The following BRAP variants were observed in gnomAD, a reference collection of about 807,000 sequenced individuals.
BRAP encodes the protein BRCA1-associated protein.
In BRAP, 42 loss-of-function variants were observed where a neutral mutation model predicts 73.4. That is an observed-to-expected ratio of 0.57 (90% confidence interval 0.45 to 0.74). The LOEUF is 0.74. Ranked by LOEUF, BRAP falls within the 30% of genes least tolerant of loss-of-function variation. BRAP has a pLI of 0.00. For missense variants in BRAP, 593 were observed against 751.4 expected (o/e 0.79, Z 2.46); for synonymous variants, 255 against 267.4 (o/e 0.95, Z 0.45).
At chr12:111,674,546 T>TA (rs1158823960) in intron 4 of BRAP, among the ~76,000 whole-genome samples, 1 of 152,188 alleles carries the variant, frequency 6.6e-6, no homozygotes, top group Non-Finnish European at 1.5e-5. Flanking sequence ...CCTGGCTACT[T>TA]ATGCTTTCTT....
Position 111,659,255 on chromosome 12 carries a change from T to G in BRAP, c.1063A>C (p.Thr355Pro), listed in dbSNP as rs754999889. The G allele has an allele frequency of 3.1e-6, 5 of 1,614,040 alleles. No individual in the cohort carries two copies. In the East Asian group the frequency reaches 1.1e-4, roughly 36 times the overall value. ...AYKHFEETQH[T>P]YAMQLTNHRV... ...TGGTTGGTAAGCTGCATGGCATACGTGTGCTGCGTTTCCTCAAAGTGCTTA... is the reference window on the plus strand; with the variant it reads ...TGGTTGGTAAGCTGCATGGCATACGGGTGCTGCGTTTCCTCAAAGTGCTTA... The change falls in exon 8 of 12, where the codon ACG (threonine) becomes CCG (proline). Residue 355 changes from threonine (T) to proline (P), a missense_variant. Thr to Pro is a conservative substitution (Grantham distance 38). Coordinates refer to ENST00000419234, the MANE Select transcript of BRAP (RefSeq NM_006768.5).
Position 111,643,689 on chromosome 12 carries a change from G to T in BRAP, c.*510C>A, listed in dbSNP as rs1885985206. 1 of 152,806 alleles carries T rather than the reference G, an allele frequency of 6.5e-6. No individual in the cohort carries two copies. The highest frequency in any genetic ancestry group is 1.5e-5 in the Non-Finnish European group (1 of 68,600). 9.5% of individuals were successfully genotyped at this position (152,806 alleles called of 1,614,324 possible). On this transcript the variant is annotated 3_prime_UTR_variant, in exon 12 of 12. Coordinates refer to ENST00000419234, the MANE Select transcript of BRAP (RefSeq NM_006768.5). ...GCAATTCTTCCACTCCCCAGAGGAA[G>T]GGGGAGATGATAATGATATGACACT...
intron 3 of BRAP, among the ~76,000 whole-genome samples, chr12:111,680,148 G>A (rs970267913): frequency 1.5e-4 from 22 of 151,062 alleles, no homozygotes; most frequent in African/African-American, 5.3e-4. Flanking sequence ...GTAGAGATGG[G>A]GTTTCACTAT....
rs756787438 is a variant in BRAP, at chr12:111,644,285, C to A, written c.1693G>T (p.Ala565Ser). The change falls in exon 12 of 12, where the codon GCC (alanine) becomes TCC (serine). Residue 565 changes from alanine to serine, a missense_variant. Physicochemically the swap from Ala to Ser is moderately conservative, Grantham distance 99. Transcript: ENST00000419234. ...GCAGGGCTCGAGGCCGAGGCCATGGCGATGTTGATCTGTCCCTCCTGGATT... is the reference window on the plus strand; with the variant it reads ...GCAGGGCTCGAGGCCGAGGCCATGGAGATGTTGATCTGTCCCTCCTGGATT... Reference protein sequence around the residue: ...QEIQEGQINIAMASASSPASS... With the variant: ...QEIQEGQINISMASASSPASS... The A allele has an allele frequency of 5.6e-6, 9 of 1,614,098 alleles. No homozygotes were observed. The highest frequency in any genetic ancestry group is 6.8e-6 in the Non-Finnish European group (8 of 1,180,028).
chr12:111,660,645 G>T lies in BRAP; in HGVS notation c.927C>A (p.Pro309=). The T allele has an allele frequency of 6.2e-7, 1 of 1,605,500 alleles. No homozygotes were observed. The highest frequency in any genetic ancestry group is 8.5e-7 in the Non-Finnish European group (1 of 1,176,306). The part of the protein sequence containing the change: ...TCPVCRYCQT[P]EPVEENKCFE... ...AACACTTATTTTCTTCTACTGGCTC[G>T]GGCGTTTGACAGTACCGGCAAACAG... Residue 309 remains proline, a synonymous_variant, in exon 7 of 12, where the codon CCC becomes CCA. Coordinates refer to ENST00000419234, the MANE Select transcript of BRAP (RefSeq NM_006768.5).
At position 111,644,375 on chromosome 12, in the gene BRAP, C is replaced by T; in HGVS notation, c.1603G>A (p.Asp535Asn). 6.2e-7 allele frequency: 1 copy of T among 1,613,812 alleles called. No homozygotes were observed. The highest frequency in any genetic ancestry group is 8.5e-7 in the Non-Finnish European group (1 of 1,179,962). The change falls in exon 12 of 12, where the codon GAC (aspartate) becomes AAC (asparagine). Residue 535 changes from aspartate to asparagine, a missense_variant. Physicochemically the swap from Asp to Asn is conservative, Grantham distance 23. Coordinates refer to ENST00000419234, the MANE Select transcript of BRAP (RefSeq NM_006768.5). ...QITEIQEQLR[D>N]VMFYLETQQK... ...TGTGTCTCCAGGTAGAACATGACGT[C>T]ACGCAGCTGCTCCTGGATCTCGGTG...
chr12:111,659,369 ATTAG>A (rs774339089), intron 7 of BRAP, 24 bp from the exon 8 acceptor site: 8 of 1,599,240 alleles, frequency 5.0e-6, no homozygotes, highest in East Asian at 4.5e-5. Flanking sequence ...TAAGATCTTA[ATTAG>A]TTAAATAAAA....
chr12:111,644,029 G>T lies in BRAP; in HGVS notation c.*170C>A. 1 of 1,062,520 alleles carries T rather than the reference G, an allele frequency of 9.4e-7. No individual in the cohort carries two copies. The highest frequency in any genetic ancestry group is 1.3e-6 in the Non-Finnish European group (1 of 761,814). The allele number at this position is 1,062,520 out of a possible 1,614,324, so 65.8% of individuals were successfully genotyped here. Reference sequence around the variant, plus strand: ...CGCCTTTCTATCAGCTCTCCAGTCAGCACCCTTTACATTCACTACATCACA... The same window carrying T: ...CGCCTTTCTATCAGCTCTCCAGTCATCACCCTTTACATTCACTACATCACA... On this transcript the variant is annotated 3_prime_UTR_variant, in exon 12 of 12. Coordinates refer to ENST00000419234, the MANE Select transcript of BRAP (RefSeq NM_006768.5).
At chr12:111,670,332 C>G (rs1390343687) in intron 5 of BRAP, 5 of 492,544 alleles carry the variant, frequency 1.0e-5, no homozygotes, top group African/African-American at 2.0e-5. Flanking sequence ...GCAGCTCCAG[C>G]TCGCTGAGAC....
At chr12:111,653,797 C>G (rs1393867543) in intron 10 of BRAP, among the ~76,000 whole-genome samples, 1 of 152,214 alleles carries the variant, frequency 6.6e-6, no homozygotes, top group East Asian at 1.9e-4. Flanking sequence ...GAACAAAAGG[C>G]TTGCATCATC....
At chr12:111,658,869 G>A (rs1046786764) in intron 8 of BRAP, 24 bp from the exon 9 acceptor site, 4 of 1,561,552 alleles carry the variant, frequency 2.6e-6, no homozygotes, top group African/African-American at 1.4e-5. Context: ...CAACAAAAGT[G>A]TGTTTCTTTA....
intron 11 of BRAP, among the ~76,000 whole-genome samples, chr12:111,647,578 C>T (rs1383736052): frequency 6.6e-6 from 1 of 151,970 alleles, no homozygotes; most frequent in African/African-American, 2.4e-5. Context: ...GGTGTGGTGG[C>T]CCATGCCTGT....
chr12:111,668,155 C>A (rs1396398686), intron 5 of BRAP, among the ~76,000 whole-genome samples: 3 of 151,788 alleles, frequency 2.0e-5, no homozygotes, highest in Non-Finnish European at 2.9e-5. Context: ...TGCAGTGAGC[C>A]GAGACTGCTC....
chr12:111,642,414 T>G lies in BRAP; in HGVS notation c.*1785A>C, dbSNP rs528600684. 9.2e-5 allele frequency: 14 copies of G among 152,156 alleles called. No individual in the cohort carries two copies. Among genetic ancestry groups the G allele is most frequent in the Non-Finnish European group, 2.1e-4 (14 of 68,034 alleles). The allele number at this position is 152,156 out of a possible 1,614,324, so 9.4% of individuals were successfully genotyped here. ...TTGCTCATTCCTCTGGGCACAGCCT[T>G]TCAGAGCATTTATCCCACCTGTACT... On this transcript the variant is annotated 3_prime_UTR_variant, in exon 12 of 12. Transcript: ENST00000419234.
chr12:111,650,645 G>C (rs1263013395), intron 10 of BRAP, among the ~76,000 whole-genome samples: 1 of 152,112 alleles, frequency 6.6e-6, no homozygotes, highest in Admixed American at 6.6e-5. Flanking sequence ...GGCTTGCCTC[G>C]GCCTCCCAAA....
chr12:111,681,699 T>C lies in BRAP; in HGVS notation c.381A>G (p.Ser127=), dbSNP rs926092236. The C allele has an allele frequency of 6.2e-7, 1 of 1,613,980 alleles. No individual in the cohort carries two copies. The highest frequency in any genetic ancestry group is 8.5e-7 in the Non-Finnish European group (1 of 1,179,956). ...SPSKQLPDQI[S]FFSGNPSVEI... is the part of the protein sequence containing the mutation. ...CAACTGATGGATTTCCACTGAAGAA[T>C]GAAATCTGGTCTGGAAGCTGTTTGG... Residue 127 remains serine, a synonymous_variant, in exon 3 of 12, where the codon TCA becomes TCG. Coordinates refer to ENST00000419234, the MANE Select transcript of BRAP (RefSeq NM_006768.5).
At chr12:111,646,453 C>T (rs190279738) in intron 11 of BRAP, among the ~76,000 whole-genome samples, 25 of 152,192 alleles carry the variant, frequency 1.6e-4, no homozygotes, top group South Asian at 1.5e-3. Flanking sequence ...TAAACTCTTT[C>T]GAAGACAACT....
intron 4 of BRAP, among the ~76,000 whole-genome samples, chr12:111,675,978 A>G (rs1887363344): frequency 6.6e-6 from 1 of 152,068 alleles, no homozygotes; most frequent in Admixed American, 6.5e-5. Flanking sequence ...TTCTCTACCC[A>G]AAGACCAAGT....
At chr12:111,657,256 C>T (rs1440452795) in intron 9 of BRAP, among the ~76,000 whole-genome samples, 1 of 152,030 alleles carries the variant, frequency 6.6e-6, no homozygotes, top group Non-Finnish European at 1.5e-5. Context: ...GTTGGCCAGG[C>T]TGGTCTCAAA....
Sources: allele counts gnomAD v4.1 joint callset (sites outside exome capture counted in the v4.1 genomes callset), GRCh38; gene constraint gnomAD v4.1.1; transcripts MANE v1.5; gene names NCBI Gene and HGNC (gene_info 2026-07-23, HGNC 2026-07-21).